FOXJ3: variants seen among roughly 807,000 people sequenced by gnomAD.
FOXJ3 encodes forkhead box protein J3.
A neutral mutation model predicts 76.1 loss-of-function variants in FOXJ3; 22 were observed. The ratio of observed to expected loss-of-function variants is 0.29; its 90% CI spans 0.21 to 0.41. The LOEUF is 0.41. Among genes scored for constraint, FOXJ3 ranks in the 10% least tolerant of loss-of-function variants. FOXJ3 has a pLI of 1.00. For missense variants in FOXJ3, 613 were observed against 762.1 expected (o/e 0.80, Z 2.30); for synonymous variants, 269 against 261.2 (o/e 1.03, Z -0.29).
At chr1:42,264,976 C>G (rs1309760536) in intron 4 of FOXJ3, 139 bp downstream of exon 4, 2 of 712,352 alleles carry the variant, frequency 2.8e-6, no homozygotes, top group Non-Finnish European at 5.1e-6. Flanking sequence ...TTAAAACTCT[C>G]TAACAAGCTT....
At chr1:42,324,289 CAT>C (rs1428304026) in intron 1 of FOXJ3, among the ~76,000 whole-genome samples, 1 of 141,740 alleles carries the variant, frequency 7.1e-6, no homozygotes, top group African/African-American at 2.6e-5. Context: ...ATATTATACA[CAT>C]ATATTATATA....
chr1:42,197,358 AG>A (rs372297046), intron 7 of FOXJ3, among the ~76,000 whole-genome samples: 5 of 152,080 alleles, frequency 3.3e-5, no homozygotes, highest in Admixed American at 1.3e-4. Flanking sequence ...AGAGAAAAAA[AG>A]GGGGGGAGGT....
rs771622405 is a variant in FOXJ3, at chr1:42,311,106, A to G, written c.-13T>C. On this transcript the variant is annotated 5_prime_UTR_variant, in exon 2 of 13. Transcript: ENST00000361346. Reference sequence around the variant, plus strand: ...CATACAAACCCATCTGGCCACAAAGAGAATCTGAAAAGCAAAGAAGAGTTA... The same window carrying G: ...CATACAAACCCATCTGGCCACAAAGGGAATCTGAAAAGCAAAGAAGAGTTA... 1.1e-5 allele frequency: 18 copies of G among 1,594,912 alleles called. No individual in the cohort carries two copies. Among genetic ancestry groups the G allele is most frequent in the African/African-American group, 2.7e-5 (2 of 73,646 alleles).
chr1:42,306,853 A>G (rs918987775), intron 2 of FOXJ3, among the ~76,000 whole-genome samples: 3 of 152,228 alleles, frequency 2.0e-5, no homozygotes, highest in Non-Finnish European at 2.9e-5. Context: ...GCTGTAAAAC[A>G]TCTTAGAAAA....
chr1:42,254,883 G>A (rs1441655924), intron 4 of FOXJ3, among the ~76,000 whole-genome samples: 2 of 145,836 alleles, frequency 1.4e-5, no homozygotes, highest in Non-Finnish European at 3.0e-5. Context: ...GTTAATGGGT[G>A]CAGCACACCA....
intron 3 of FOXJ3, among the ~76,000 whole-genome samples, chr1:42,277,977 A>C (rs1464136627): frequency 8.2e-6 from 1 of 122,006 alleles, no homozygotes; most frequent in Non-Finnish European, 1.6e-5. Context: ...ACTCCATCTC[A>C]AAAAAAAAAA....
At position 42,263,884 on chromosome 1, in the gene FOXJ3, T is replaced by C. The variant is rs1170516877; in HGVS notation, c.444+1231A>G. On this transcript the variant is annotated intron_variant, in intron 4 of 12. Coordinates refer to ENST00000361346, the MANE Select transcript of FOXJ3 (RefSeq NM_014947.5). Reference sequence around the variant, plus strand: ...AAATTTAGATTTTAAGGGCAGTAGATAACTAACAAAGAGCTTGAAAAAAAG... The same window carrying C: ...AAATTTAGATTTTAAGGGCAGTAGACAACTAACAAAGAGCTTGAAAAAAAG... Among the ~76,000 whole-genome samples the C allele has an allele frequency of 2.7e-5, 4 of 146,960 alleles. 1 individual carries two copies. The highest frequency in any genetic ancestry group is 6.9e-5 in the Admixed American group (1 of 14,560).
At chr1:42,189,642 C>G in intron 9 of FOXJ3, 2 of 401,558 alleles carry the variant, frequency 5.0e-6, no homozygotes, top group Non-Finnish European at 9.3e-6. Flanking sequence ...CATAACTTAG[C>G]AAGGTTATCA....
intron 5 of FOXJ3, among the ~76,000 whole-genome samples, chr1:42,212,852 A>C (rs2124370151): frequency 6.6e-6 from 1 of 151,722 alleles, no homozygotes; most frequent in Admixed American, 6.6e-5. Context: ...AAAACCTATC[A>C]GACTGACAGC....
At chr1:42,315,421 A>C (rs1655048020) in intron 1 of FOXJ3, 1 of 985,022 alleles carries the variant, frequency 1.0e-6, no homozygotes, top group African/African-American at 1.7e-5. Flanking sequence ...CAATCAGCTC[A>C]AAACTCAGGC....
chr1:42,327,677 G>A (rs1655917856), intron 1 of FOXJ3, among the ~76,000 whole-genome samples: 1 of 151,916 alleles, frequency 6.6e-6, no homozygotes, highest in African/African-American at 2.4e-5. Context: ...TGGTGTCAAA[G>A]GTCAGGTCCC....
At chr1:42,186,395 G>A (rs1469240719) in intron 11 of FOXJ3, among the ~76,000 whole-genome samples, 1 of 152,074 alleles carries the variant, frequency 6.6e-6, no homozygotes, top group Non-Finnish European at 1.5e-5. Flanking sequence ...AGTGAGAGTA[G>A]AAAGAATTGA....
intron 2 of FOXJ3, among the ~76,000 whole-genome samples, chr1:42,285,887 T>A (rs1194851607): frequency 6.6e-6 from 1 of 152,216 alleles, no homozygotes; most frequent in Non-Finnish European, 1.5e-5. Context: ...ATTCTGGATA[T>A]GTAGAGTGCA....
At chr1:42,193,870 T>C (rs961176310) in intron 8 of FOXJ3, among the ~76,000 whole-genome samples, 1 of 152,144 alleles carries the variant, frequency 6.6e-6, no homozygotes, top group Non-Finnish European at 1.5e-5. Context: ...AGGAGGTAAT[T>C]AGGGATTAGG....
intron 2 of FOXJ3, among the ~76,000 whole-genome samples, chr1:42,298,207 G>A (rs1040839031): frequency 6.6e-6 from 1 of 152,158 alleles, no homozygotes; most frequent in Non-Finnish European, 1.5e-5. Context: ...TAAGCTTCCT[G>A]AGGCTTCCCC....
At chr1:42,212,908 AC>A (rs1646990642) in intron 5 of FOXJ3, among the ~76,000 whole-genome samples, 1 of 139,360 alleles carries the variant, frequency 7.2e-6, no homozygotes, top group African/African-American at 2.6e-5. Flanking sequence ...TTGCGGTCCT[AC>A]CTTTACTCCT....
chr1:42,325,174 TTTGA>T (rs1378139146), intron 1 of FOXJ3, among the ~76,000 whole-genome samples: 1 of 152,188 alleles, frequency 6.6e-6, no homozygotes, highest in Non-Finnish European at 1.5e-5. Flanking sequence ...TACAATGTTG[TTTGA>T]TTAAGTTCCC....
At chr1:42,302,207 T>C (rs1324221194) in intron 2 of FOXJ3, among the ~76,000 whole-genome samples, 1 of 152,172 alleles carries the variant, frequency 6.6e-6, no homozygotes, top group African/African-American at 2.4e-5. Context: ...TCTAGATCCC[T>C]AGTGCTGCAC....
intron 5 of FOXJ3, among the ~76,000 whole-genome samples, chr1:42,209,850 T>G (rs1646932254): frequency 6.6e-6 from 1 of 152,056 alleles, no homozygotes; most frequent in Non-Finnish European, 1.5e-5. Context: ...TAATCTTGAG[T>G]GCAGATGGAA....
Sources: gnomAD v4.1 joint callset for allele counts (sites outside exome capture counted in the v4.1 genomes callset) on GRCh38, gnomAD v4.1.1 for gene constraint, MANE v1.5 for transcripts, NCBI Gene and HGNC (gene_info 2026-07-23, HGNC 2026-07-21) for gene names.